FMN2: variants seen among roughly 807,000 people sequenced by gnomAD.
FMN2 encodes the protein formin-2.
In FMN2, 51 loss-of-function variants were observed where a neutral mutation model predicts 142.3. The observed-to-expected ratio is 0.36, with a 90% CI of 0.29 to 0.45. The LOEUF is 0.45. Among genes scored for constraint, FMN2 ranks in the 20% least tolerant of loss-of-function variants. The pLI is 1.00. For missense variants in FMN2, 1,936 were observed against 2,122.8 expected (o/e 0.91, Z 1.73); for synonymous variants, 882 against 869.8 (o/e 1.01, Z -0.25).
At chr1:240,471,500 G>T (rs567414014) in intron 16 of FMN2, among the ~76,000 whole-genome samples, 1 of 151,512 alleles carries the variant, frequency 6.6e-6, no homozygotes, top group Non-Finnish European at 1.5e-5. Flanking sequence ...CTCAACCTCC[G>T]AGTACCTGAG....
At chr1:240,394,376 G>A (rs1471936753) in intron 15 of FMN2, among the ~76,000 whole-genome samples, 1 of 152,114 alleles carries the variant, frequency 6.6e-6, no homozygotes, top group Non-Finnish European at 1.5e-5. Flanking sequence ...CCAGAGCAGG[G>A]CCCTAACTCT....
chr1:240,314,685 T>G (rs1670711004), intron 8 of FMN2, among the ~76,000 whole-genome samples: 1 of 152,182 alleles, frequency 6.6e-6, no homozygotes, highest in East Asian at 1.9e-4. Flanking sequence ...TGTAAACCTG[T>G]TTGATAATGG....
chr1:240,153,923 C>A (rs1663895949), intron 2 of FMN2, among the ~76,000 whole-genome samples: 1 of 151,812 alleles, frequency 6.6e-6, no homozygotes, highest in Non-Finnish European at 1.5e-5. Flanking sequence ...CGAGACCAGC[C>A]TGGCCAACAT....
intron 15 of FMN2, among the ~76,000 whole-genome samples, chr1:240,422,155 G>T (rs1290898673): frequency 6.6e-6 from 1 of 152,122 alleles, no homozygotes; most frequent in Non-Finnish European, 1.5e-5. Flanking sequence ...GATTACTATA[G>T]CTTTATAGTA....
chr1:240,188,073 A>T (rs1665554475), intron 3 of FMN2, 134 bp from the exon 4 acceptor site: 1 of 740,880 alleles, frequency 1.3e-6, no homozygotes, highest in African/African-American at 1.8e-5. Flanking sequence ...CCAGTTATAT[A>T]ATTGGAAGAG....
At chr1:240,464,904 G>C (rs1037777129) in intron 16 of FMN2, among the ~76,000 whole-genome samples, 1 of 152,128 alleles carries the variant, frequency 6.6e-6, no homozygotes, top group Non-Finnish European at 1.5e-5. Flanking sequence ...TGATCATTTG[G>C]GGTGCAAGCG....
Position 240,208,359 on chromosome 1 carries a change from G to A in FMN2, c.3547G>A (p.Gly1183Arg). 6.5e-7 allele frequency: 1 copy of A among 1,545,966 alleles called. No individual in the cohort carries two copies. The highest frequency in any genetic ancestry group is 8.8e-7 in the Non-Finnish European group (1 of 1,142,170). Residue 1183 changes from glycine (G) to arginine (R), a missense_variant, in exon 5 of 18, where the codon GGA becomes AGA. By Grantham distance (125) the Gly-to-Arg change is moderately radical. This residue lies in a region of FMN2 where 259 missense variants were observed against 230.9 expected (regional missense o/e 1.12). Transcript: ENST00000319653. ...CCCTCCGCCCCCTCTACCTGGAGTG[G>A]GAATACCTCCTCCGCCCCCTCTACC... ...IPPPPPLPGVGIPPPPPLPGV... is the reference protein window; with the variant it reads ...IPPPPPLPGVRIPPPPPLPGV...
intron 6 of FMN2, among the ~76,000 whole-genome samples, chr1:240,248,609 A>G (rs1017200919): frequency 2.6e-5 from 4 of 152,050 alleles, no homozygotes; most frequent in African/African-American, 9.6e-5. Context: ...CTTTGGGTAC[A>G]TACCCAGGAG....
chr1:240,300,632 A>G (rs1670164566), intron 8 of FMN2, among the ~76,000 whole-genome samples: 1 of 152,064 alleles, frequency 6.6e-6, no homozygotes, highest in Non-Finnish European at 1.5e-5. Flanking sequence ...AAATAAAGAG[A>G]CATATATAAC....
chr1:240,384,382 G>A (rs1232361211), intron 14 of FMN2, among the ~76,000 whole-genome samples: 1 of 152,224 alleles, frequency 6.6e-6, no homozygotes, highest in African/African-American at 2.4e-5. Context: ...TTTGCCTGTT[G>A]TATGATCACA....
intron 1 of FMN2, among the ~76,000 whole-genome samples, chr1:240,097,877 C>A (rs1353683599): frequency 1.3e-5 from 2 of 152,056 alleles, no homozygotes; most frequent in African/African-American, 4.8e-5. Flanking sequence ...TGAAAAAACC[C>A]AGGCTCAGAC....
At position 240,093,540 on chromosome 1, in the gene FMN2, C is replaced by T. The variant is rs1374198964; in HGVS notation, c.1431C>T (p.Ala477=). Residue 477 remains alanine, a synonymous_variant, in exon 1 of 18, where the codon GCC becomes GCT. Coordinates refer to ENST00000319653, the MANE Select transcript of FMN2 (RefSeq NM_020066.5). ...ACCGGGCCGACGGCGGCCTTGCGGCCGGCCTGAGCCGCTCGGCTGACTGGA... is the reference window on the plus strand; with the variant it reads ...ACCGGGCCGACGGCGGCCTTGCGGCTGGCCTGAGCCGCTCGGCTGACTGGA... The part of the protein sequence containing the change: ...KKHRADGGLA[A]GLSRSADWTE... 11 of 1,546,304 alleles carry T rather than the reference C, an allele frequency of 7.1e-6. No individual in the cohort carries two copies. The African/African-American group carries it at 8.5e-5, about 12-fold the overall frequency.
chr1:240,370,259 G>T, intron 14 of FMN2, among the ~76,000 whole-genome samples: 1 of 151,662 alleles, frequency 6.6e-6, no homozygotes, highest in East Asian at 1.9e-4. Context: ...CAGCTTTTTT[G>T]TGTTCTTTGT....
At chr1:240,158,607 C>G (rs1664133455) in intron 2 of FMN2, among the ~76,000 whole-genome samples, 1 of 152,040 alleles carries the variant, frequency 6.6e-6, no homozygotes, top group Non-Finnish European at 1.5e-5. Context: ...TCCCCCCCAC[C>G]ACGCCTGAAT....
At position 240,098,097 on chromosome 1, in the gene FMN2, A is replaced by ATTTTTTTT. The variant is rs35191164; in HGVS notation, c.1615+4387_1615+4394dup. Among the ~76,000 whole-genome samples the ATTTTTTTT allele has an allele frequency of 4.7e-3, 463 of 98,576 alleles. 38 individuals are homozygous for ATTTTTTTT. Among genetic ancestry groups the ATTTTTTTT allele is most frequent in the African/African-American group, 0.019 (420 of 21,768 alleles). The allele number at this position is 98,576 out of a possible 152,430, so 64.7% of individuals were successfully genotyped here. A position where few individuals can be genotyped will look rare whatever the true frequency, so the allele number is the denominator to read the frequency against. On this transcript the variant is annotated intron_variant, in intron 1 of 17. Transcript: ENST00000319653. The stretch of plus-strand genomic sequence containing the variant: ...TTGGCCTTTCTAAAGGTTATCTTGA[A>ATTTTTTTT]TTTTTTTTTTTTTTTTTTTTTGGAG...
chr1:240,167,555 C>A (rs998326500), intron 2 of FMN2, among the ~76,000 whole-genome samples: 1 of 152,126 alleles, frequency 6.6e-6, no homozygotes, highest in African/African-American at 2.4e-5. Flanking sequence ...TTTACATTTC[C>A]ATTTTTAAAT....
At chr1:240,195,472 A>C (rs913013905) in intron 4 of FMN2, among the ~76,000 whole-genome samples, 1 of 152,222 alleles carries the variant, frequency 6.6e-6, no homozygotes, top group Non-Finnish European at 1.5e-5. Flanking sequence ...AGCTTTGTTC[A>C]GGCTTCAGTG....
chr1:240,214,645 A>G (rs1666826138), intron 6 of FMN2, among the ~76,000 whole-genome samples: 1 of 152,200 alleles, frequency 6.6e-6, no homozygotes, highest in Non-Finnish European at 1.5e-5. Flanking sequence ...CCCAATTTTA[A>G]GGAAGGCTTT....
At chr1:240,351,446 T>C (rs1672094371) in intron 13 of FMN2, among the ~76,000 whole-genome samples, 1 of 152,142 alleles carries the variant, frequency 6.6e-6, no homozygotes. Flanking sequence ...ACAGTTTTTC[T>C]AGAGCTGAAA....
Sources: allele counts gnomAD v4.1 joint callset (sites outside exome capture counted in the v4.1 genomes callset), GRCh38; gene constraint gnomAD v4.1.1; regional missense constraint gnomAD v4.1.1; transcripts MANE v1.5; gene names NCBI Gene and HGNC (gene_info 2026-07-23, HGNC 2026-07-21).